The following FBXO28 variants were observed in gnomAD, a reference collection of about 807,000 sequenced individuals.
FBXO28 encodes the protein F-box protein 28, also known as F-box only protein 28.
FBXO28 carries 8 observed loss-of-function variants against 38.1 expected under a neutral mutation model. The ratio of observed to expected loss-of-function variants is 0.21; its 90% CI spans 0.12 to 0.38. FBXO28 has a LOEUF of 0.38. FBXO28 is among the 10% of genes least tolerant of loss of function. The pLI is 1.00. For missense variants in FBXO28, 345 were observed against 460.6 expected (o/e 0.75, Z 2.30); for synonymous variants, 168 against 173.8 (o/e 0.97, Z 0.26).
At chr1:224,118,949 G>A (rs1002460898) in intron 1 of FBXO28, among the ~76,000 whole-genome samples, 3 of 152,190 alleles carry the variant, frequency 2.0e-5, no homozygotes, top group South Asian at 2.1e-4. Context: ...CTGGATACTC[G>A]TGAGAGAATG....
At chr1:224,117,837 A>G (rs751488715) in intron 1 of FBXO28, among the ~76,000 whole-genome samples, 7 of 151,728 alleles carry the variant, frequency 4.6e-5, no homozygotes, top group East Asian at 1.9e-4. Context: ...GTGAAACCCC[A>G]TCTCTACCAA....
At chr1:224,144,101 C>G (rs909313719) in intron 3 of FBXO28, among the ~76,000 whole-genome samples, 22 of 148,034 alleles carry the variant, frequency 1.5e-4, no homozygotes, top group Admixed American at 2.7e-4. Context: ...TTGCAGTGAG[C>G]TGAGGTTGCG....
At chr1:224,130,156 G>A (rs1249791663) in intron 1 of FBXO28, among the ~76,000 whole-genome samples, 1 of 152,036 alleles carries the variant, frequency 6.6e-6, no homozygotes, top group Non-Finnish European at 1.5e-5. Flanking sequence ...AGCCTGGCCA[G>A]CATGGTGAAA....
intron 1 of FBXO28, among the ~76,000 whole-genome samples, chr1:224,117,765 T>C (rs1255726684): frequency 6.6e-6 from 1 of 151,982 alleles, no homozygotes; most frequent in African/African-American, 2.4e-5. Context: ...CCCAGCACTT[T>C]GGGAGGCCAG....
chr1:224,152,687 T>A (rs1377693005), intron 3 of FBXO28, among the ~76,000 whole-genome samples: 2 of 152,036 alleles, frequency 1.3e-5, no homozygotes, highest in Non-Finnish European at 2.9e-5. Context: ...TCTTTGCACT[T>A]TGGGAGGCCG....
chr1:224,141,248 G>A (rs1394653909), intron 3 of FBXO28, among the ~76,000 whole-genome samples: 3 of 151,984 alleles, frequency 2.0e-5, no homozygotes, highest in African/African-American at 4.8e-5. Context: ...CGAGGTGGGC[G>A]GATCACGAGG....
intron 3 of FBXO28, among the ~76,000 whole-genome samples, chr1:224,152,925 C>CAAAAA (rs57616453): frequency 4.3e-4 from 28 of 64,908 alleles, no homozygotes; most frequent in African/African-American, 1.7e-3. Flanking sequence ...AACTCTGTCT[C>CAAAAA]AAAAAAAAAA....
chr1:224,146,839 C>A (rs1164668404), intron 3 of FBXO28, among the ~76,000 whole-genome samples: 1 of 150,778 alleles, frequency 6.6e-6, no homozygotes, highest in Non-Finnish European at 1.5e-5. Context: ...TCCCGAGTAG[C>A]TGGGACTATA....
At chr1:224,136,089 T>G (rs1657175677) in intron 3 of FBXO28, among the ~76,000 whole-genome samples, 1 of 140,712 alleles carries the variant, frequency 7.1e-6, no homozygotes, top group Non-Finnish European at 1.5e-5. Context: ...TGGAAACCAT[T>G]TGTTGACTTC....
At chr1:224,116,566 A>G (rs1656648457) in intron 1 of FBXO28, among the ~76,000 whole-genome samples, 1 of 152,216 alleles carries the variant, frequency 6.6e-6, no homozygotes, top group Non-Finnish European at 1.5e-5. Context: ...GAACAGAATT[A>G]GTTTTCATAA....
At chr1:224,136,579 C>A (rs145622969) in intron 3 of FBXO28, among the ~76,000 whole-genome samples, 3 of 147,716 alleles carry the variant, frequency 2.0e-5, no homozygotes, top group East Asian at 2.0e-4. Flanking sequence ...AAAAAAAAAA[C>A]TAGCTGGGCA....
intron 2 of FBXO28, among the ~76,000 whole-genome samples, chr1:224,132,113 C>T (rs12745829): frequency 0.5 from 76,287 of 151,744 alleles, 20,417 homozygotes; most frequent in South Asian, 0.61. Flanking sequence ...ACTACCTGGG[C>T]ATGGTGGCGG....
chr1:224,141,092 G>A (rs925607835), intron 3 of FBXO28, among the ~76,000 whole-genome samples: 2 of 152,080 alleles, frequency 1.3e-5, no homozygotes, highest in African/African-American at 4.8e-5. Flanking sequence ...TGAGATAGGA[G>A]AATCGCTTGA....
chr1:224,126,383 C>T (rs552670759), intron 1 of FBXO28, among the ~76,000 whole-genome samples: 3 of 152,166 alleles, frequency 2.0e-5, no homozygotes, highest in Non-Finnish European at 4.4e-5. Flanking sequence ...AAATATATTG[C>T]TGCTAAAAAT....
In FBXO28 at chr1:224,157,966, G is replaced by T; in HGVS notation, c.*220G>T. 7.5e-7 allele frequency: 1 copy of T among 1,338,530 alleles called. No individual in the cohort carries two copies. The highest frequency in any genetic ancestry group is 9.5e-7 in the Non-Finnish European group (1 of 1,049,864). The allele number at this position is 1,338,530 out of a possible 1,614,324, so 82.9% of individuals were successfully genotyped here. On this transcript the variant is annotated 3_prime_UTR_variant, in exon 5 of 5. Transcript: ENST00000366862. ...CTTTGCAATAGATTTGTACTAACCA[G>T]ACCTGTTCTATCATGTTTTGAGGAG...
At chr1:224,118,645 A>C (rs1179394446) in intron 1 of FBXO28, among the ~76,000 whole-genome samples, 1 of 152,136 alleles carries the variant, frequency 6.6e-6, no homozygotes, top group Non-Finnish European at 1.5e-5. Flanking sequence ...AATATGTTAG[A>C]AAATTTTAGT....
chr1:224,143,849 A>AG (rs1657431059), intron 3 of FBXO28, among the ~76,000 whole-genome samples: 1 of 150,394 alleles, frequency 6.6e-6, no homozygotes, highest in Admixed American at 6.7e-5. Flanking sequence ...AAAAAAAAAA[A>AG]GAAAAATGAA....
At chr1:224,139,149 T>C (rs535366185) in intron 3 of FBXO28, among the ~76,000 whole-genome samples, 1 of 151,722 alleles carries the variant, frequency 6.6e-6, no homozygotes, top group South Asian at 2.1e-4. Flanking sequence ...AACACAATGG[T>C]CCCCAAAAAT....
rs761447622 is a variant in FBXO28, at chr1:224,134,185, C to G, written c.489C>G (p.Ser163=). The G allele has an allele frequency of 6.2e-7, 1 of 1,611,644 alleles. No individual in the cohort carries two copies. Among genetic ancestry groups the G allele is most frequent in the Non-Finnish European group, 8.5e-7 (1 of 1,179,128 alleles). ...TGACTTTCATGAAATATGTGGATTC[C>G]AATCTCTGTTGCTTCATCCCAGGAA... ...LNMTFMKYVD[S]NLCCFIPGKV... is the part of the protein sequence containing the mutation. The change falls in exon 3 of 5, where the codon TCC becomes TCG. Residue 163 remains serine, a synonymous_variant. Transcript: ENST00000366862.
Sources: allele counts gnomAD v4.1 joint callset (sites outside exome capture counted in the v4.1 genomes callset), GRCh38; gene constraint gnomAD v4.1.1; transcripts MANE v1.5; gene names NCBI Gene and HGNC (gene_info 2026-07-23, HGNC 2026-07-21).